Variants in AGTR1 observed in about 807,000 individuals in gnomAD.
The protein encoded by AGTR1 is type-1 angiotensin II receptor.
A neutral mutation model predicts 19.4 loss-of-function variants in AGTR1; 16 were observed. That is an observed-to-expected ratio of 0.82 (90% CI 0.56 to 1.25). The LOEUF is 1.25. Among genes scored for constraint, AGTR1 ranks in the 50% most tolerant of loss-of-function variants. The pLI is 0.00. For missense variants in AGTR1, 373 were observed against 431.9 expected, an observed-to-expected ratio of 0.86 and a Z score of 1.21; for synonymous variants, 153 against 154.9, an observed-to-expected ratio of 0.99 and a Z score of 0.09.
chr3:148,737,223 C>A (rs1714618020), intron 2 of AGTR1, among the ~76,000 whole-genome samples: 1 of 152,136 alleles, frequency 6.6e-6, no homozygotes, highest in African/African-American at 2.4e-5. Flanking sequence ...TCCCACACCC[C>A]CAAGAGCGTT....
chr3:148,712,315 A>G (rs1308527405), intron 2 of AGTR1, among the ~76,000 whole-genome samples: 4 of 152,190 alleles, frequency 2.6e-5, no homozygotes, highest in Non-Finnish European at 5.9e-5. Context: ...ACTGGGCCTC[A>G]GTGCCTTTCC....
rs1713295103 is a variant in AGTR1 at position 148,716,165 on chromosome 3, A to G, written c.-48+8138A>G. ...AGCAAGGCCCTTTTCAGAGCACTCCACCAGTGCCCTTGTCCTCCTGGGCAG... is the reference window on the plus strand; with the variant it reads ...AGCAAGGCCCTTTTCAGAGCACTCCGCCAGTGCCCTTGTCCTCCTGGGCAG... On this transcript the variant is annotated intron_variant, in intron 2 of 2. Transcript: ENST00000349243. This position sits in a 1 kb window ranked among gnomAD's most constrained non-coding sequence, Gnocchi z 4.7. Among the ~76,000 whole-genome samples, 1 of 152,106 alleles carries G rather than the reference A, an allele frequency of 6.6e-6. No homozygotes were observed. Among genetic ancestry groups the G allele is most frequent in the African/African-American group, 2.4e-5 (1 of 41,420 alleles).
intron 2 of AGTR1, among the ~76,000 whole-genome samples, chr3:148,721,549 G>A (rs1280963515): frequency 3.3e-5 from 5 of 152,142 alleles, no homozygotes; most frequent in Non-Finnish European, 7.3e-5. Context: ...ATAACAAAGG[G>A]CAGTGATCCC....
intron 2 of AGTR1, among the ~76,000 whole-genome samples, chr3:148,732,245 A>C (rs971305067): frequency 6.6e-6 from 1 of 152,232 alleles, no homozygotes; most frequent in Admixed American, 6.5e-5. Flanking sequence ...AGTGTCAATA[A>C]ATAACGTAAG....
chr3:148,735,261 ACTGCAAATATATAGTAT>A (rs1213026723), intron 2 of AGTR1, among the ~76,000 whole-genome samples: 4 of 152,222 alleles, frequency 2.6e-5, no homozygotes, highest in African/African-American at 4.8e-5. Flanking sequence ...TCTACTAAAT[ACTGCAAATATATAGTAT>A]CTGCAAATAT....
chr3:148,705,134 C>T (rs1712594546), intron 1 of AGTR1, among the ~76,000 whole-genome samples: 2 of 152,090 alleles, frequency 1.3e-5, no homozygotes, highest in Non-Finnish European at 2.9e-5. Flanking sequence ...TTCACTAAGC[C>T]CCAATATTTG....
intron 2 of AGTR1, among the ~76,000 whole-genome samples, chr3:148,713,248 T>C (rs768062995): frequency 3.3e-5 from 5 of 152,230 alleles, no homozygotes; most frequent in Admixed American, 2.6e-4. Flanking sequence ...AACTTTCATA[T>C]TTAATCATTT....
intron 2 of AGTR1, among the ~76,000 whole-genome samples, chr3:148,737,253 A>G (rs1421950178): frequency 6.6e-6 from 1 of 152,080 alleles, no homozygotes; most frequent in Non-Finnish European, 1.5e-5. Flanking sequence ...CTGTTAATTT[A>G]TGAGAGCTGT....
chr3:148,716,913 A>C lies in AGTR1; in HGVS notation c.-48+8886A>C, dbSNP rs4681446. 0.099 allele frequency among the ~76,000 whole-genome samples: 14,996 copies of C among 152,204 alleles called. 805 individuals are homozygous for C. The highest frequency in any genetic ancestry group is 0.19 in the South Asian group (925 of 4,818). The stretch of plus-strand genomic sequence containing the variant: ...ACAGAGTTAAGCTGTCATTCAGATC[A>C]GAAAAAATAAAAGAGAGAGATGAAT... On this transcript the variant is annotated intron_variant, in intron 2 of 2. Transcript: ENST00000349243. This position sits in a 1 kb window ranked among gnomAD's most constrained non-coding sequence, Gnocchi z 4.7.
At chr3:148,715,807 T>C (rs796565498) in intron 2 of AGTR1, among the ~76,000 whole-genome samples, 1 of 152,170 alleles carries the variant, frequency 6.6e-6, no homozygotes, top group Non-Finnish European at 1.5e-5. Flanking sequence ...GAAAGTTAGT[T>C]TACCCTTGTA....
chr3:148,719,065 TTA>T (rs1383802845), intron 2 of AGTR1, among the ~76,000 whole-genome samples: 1 of 152,198 alleles, frequency 6.6e-6, no homozygotes, highest in Non-Finnish European at 1.5e-5. Flanking sequence ...TTCCCTGGTG[TTA>T]TGTCTTGAGA....
chr3:148,698,602 A>G (rs1712120378), intron 1 of AGTR1, among the ~76,000 whole-genome samples: 1 of 152,122 alleles, frequency 6.6e-6, no homozygotes, highest in Non-Finnish European at 1.5e-5. Context: ...ATGTCCCTGC[A>G]CTGCTCACGT....
At chr3:148,729,649 G>A (rs537161429) in intron 2 of AGTR1, among the ~76,000 whole-genome samples, 2 of 152,150 alleles carry the variant, frequency 1.3e-5, no homozygotes, top group African/African-American at 2.4e-5. Flanking sequence ...CCTGGCATCG[G>A]TGTCTCTTAT....
chr3:148,707,213 T>C (rs145723717), intron 1 of AGTR1, among the ~76,000 whole-genome samples: 2 of 152,098 alleles, frequency 1.3e-5, no homozygotes, highest in African/African-American at 4.8e-5. Context: ...GAAAATACTA[T>C]GATGTACAAA....
intron 2 of AGTR1, among the ~76,000 whole-genome samples, chr3:148,713,244 C>T (rs868203932): frequency 5.3e-5 from 8 of 152,044 alleles, no homozygotes; most frequent in Non-Finnish European, 7.4e-5. Context: ...CTTTAACTTT[C>T]ATATTTAATC....
At chr3:148,700,096 T>G (rs1336731782) in intron 1 of AGTR1, among the ~76,000 whole-genome samples, 3 of 152,200 alleles carry the variant, frequency 2.0e-5, no homozygotes, top group Admixed American at 6.5e-5. Context: ...AGGGCAGATT[T>G]GTGGGTTGTT....
intron 2 of AGTR1, among the ~76,000 whole-genome samples, chr3:148,738,046 G>T (rs1714666600): frequency 6.6e-6 from 1 of 152,096 alleles, no homozygotes; most frequent in South Asian, 2.1e-4. Context: ...CACAGAAATT[G>T]TATTATGAAT....
intron 1 of AGTR1, among the ~76,000 whole-genome samples, chr3:148,706,346 C>G (rs1203032012): frequency 6.6e-6 from 1 of 151,922 alleles, no homozygotes; most frequent in African/African-American, 2.4e-5. Flanking sequence ...TAACATTATT[C>G]TGTATAACAG....
chr3:148,734,501 T>G (rs1020496227), intron 2 of AGTR1, among the ~76,000 whole-genome samples: 3 of 152,332 alleles, frequency 2.0e-5, no homozygotes, highest in East Asian at 1.9e-4. Context: ...GAAGCCACTA[T>G]TTACCATGTA....
Sources: gnomAD v4.1 joint callset for allele counts (sites outside exome capture counted in the v4.1 genomes callset) on GRCh38, gnomAD v4.1.1 for gene constraint, Gnocchi (gnomAD v3.1) non-coding constraint, MANE v1.5 for transcripts, NCBI Gene and HGNC (gene_info 2026-07-23, HGNC 2026-07-21) for gene names.